The following HSDL2 variants were observed in gnomAD, a reference collection of about 807,000 sequenced individuals.
HSDL2 encodes hydroxysteroid dehydrogenase like 2, also known as hydroxysteroid dehydrogenase-like protein 2.
Under a neutral mutation model 46.3 loss-of-function variants are expected in HSDL2, and 27 were observed. The ratio of observed to expected loss-of-function variants is 0.58; its 90% CI spans 0.43 to 0.80. The LOEUF (loss-of-function observed/expected upper bound fraction) is 0.80, where lower values mean the gene tolerates loss of function less well. Among genes scored for constraint, HSDL2 ranks in the 30% least tolerant of loss-of-function variants. The pLI is 0.00. For synonymous variants in HSDL2, 153 were observed against 163.6 expected, an observed-to-expected ratio of 0.94 and a Z score of 0.50; for missense variants, 451 against 502.7, an observed-to-expected ratio of 0.90 and a Z score of 0.98.
intron 8 of HSDL2, 77 bp downstream of exon 8, chr9:112,441,847 C>T (rs1238939424): frequency 4.4e-6 from 4 of 903,464 alleles, no homozygotes; most frequent in African/African-American, 1.7e-5. Context: ...TGGAATTGAT[C>T]CTATAACAGT....
intron 6 of HSDL2, among the ~76,000 whole-genome samples, chr9:112,432,762 T>G (rs1408922525): frequency 6.6e-6 from 1 of 152,144 alleles, no homozygotes; most frequent in Admixed American, 6.5e-5. Context: ...AATTATGTAC[T>G]GGATGTTGTG....
At position 112,393,983 on chromosome 9, in the gene HSDL2, T is replaced by A. The variant is rs114904176; in HGVS notation, c.18-10012T>A. Among the ~76,000 whole-genome samples, 1,081 of 152,320 alleles carry A rather than the reference T, an allele frequency of 7.1e-3. 12 individuals carry two copies. Among genetic ancestry groups the A allele is most frequent in the African/African-American group, 0.025 (1,029 of 41,568 alleles). On this transcript the variant is annotated intron_variant, in intron 1 of 10. Coordinates refer to ENST00000398805, the MANE Select transcript of HSDL2 (RefSeq NM_032303.5). ...CTGAGGGAGAGGAGCAGCGTGGCAA[T>A]GCCTGATGTTCTCCACCATAAAGAA...
chr9:112,402,457 C>T (rs930763104), intron 1 of HSDL2, among the ~76,000 whole-genome samples: 1 of 151,150 alleles, frequency 6.6e-6, no homozygotes, highest in South Asian at 2.1e-4. Context: ...ACTTGTGAGG[C>T]TGAGATGGGA....
chr9:112,423,350 CT>C (rs924864984), intron 6 of HSDL2, among the ~76,000 whole-genome samples: 1 of 151,946 alleles, frequency 6.6e-6, no homozygotes, highest in Non-Finnish European at 1.5e-5. Context: ...CTTTTCTTTT[CT>C]TTTTTTTGAG....
Position 112,428,795 on chromosome 9 carries a change from T to C in HSDL2, c.599-9636T>C, listed in dbSNP as rs146271859. Among the ~76,000 whole-genome samples, 628 of 152,324 alleles carry C rather than the reference T, an allele frequency of 4.1e-3. 4 individuals are homozygous for C. Among genetic ancestry groups the C allele is most frequent in the Middle Eastern group, 0.014 (4 of 294 alleles). On this transcript the variant is annotated intron_variant, in intron 6 of 10. Coordinates refer to ENST00000398805, the MANE Select transcript of HSDL2 (RefSeq NM_032303.5). ...ACCCTTCCTCACATCACTGTTGTCA[T>C]TAAAGTTGATACAGAGAGTTAGGAA...
In HSDL2 at chr9:112,423,350, C is replaced by G. The variant is rs1294596234; in HGVS notation, c.598+4392C>G. Reference sequence around the variant, plus strand: ...GGAAGTCATTGAATTCTTTTCTTTTCTTTTTTTTGAGACGGAGTTTCGTTC... The same window carrying G: ...GGAAGTCATTGAATTCTTTTCTTTTGTTTTTTTTGAGACGGAGTTTCGTTC... On this transcript the variant is annotated intron_variant, in intron 6 of 10. Coordinates refer to ENST00000398805, the MANE Select transcript of HSDL2 (RefSeq NM_032303.5). Among the ~76,000 whole-genome samples the G allele has an allele frequency of 2.6e-5, 4 of 151,946 alleles. No individual in the cohort carries two copies. In the East Asian group the frequency reaches 5.8e-4, roughly 22 times the overall value.
chr9:112,436,242 CA>C (rs527930574), intron 6 of HSDL2, among the ~76,000 whole-genome samples: 5,155 of 77,636 alleles, frequency 0.066, 218 homozygotes, highest in African/African-American at 0.19. Flanking sequence ...GACCCTATCT[CA>C]AAAAAAAAAA....
chr9:112,410,455 C>T (rs1051376791), intron 4 of HSDL2, among the ~76,000 whole-genome samples: 5 of 152,116 alleles, frequency 3.3e-5, no homozygotes, highest in African/African-American at 1.2e-4. Flanking sequence ...AGTTTCTTTA[C>T]TTTTAAAATG....
At chr9:112,463,587 A>G (rs772937158) in intron 10 of HSDL2, among the ~76,000 whole-genome samples, 38 of 152,334 alleles carry the variant, frequency 2.5e-4, no homozygotes, top group Middle Eastern at 3.4e-3. Flanking sequence ...CATAGGTAGT[A>G]CACCCAGAGT....
Position 112,441,773 on chromosome 9 carries a change from A to G in HSDL2, c.865+3A>G, listed in dbSNP as rs1340745748. ...TAGCAAGAAAGTGGAATCAACTGGT[A>G]AGATCTAGACTATATTTTATGTTAG... On this transcript the variant is annotated splice_donor_region_variant and intron_variant, in intron 8 of 10. Coordinates refer to ENST00000398805, the MANE Select transcript of HSDL2 (RefSeq NM_032303.5). The G allele has an allele frequency of 6.5e-7, 1 of 1,538,938 alleles. No individual in the cohort carries two copies.
intron 5 of HSDL2, among the ~76,000 whole-genome samples, chr9:112,418,390 C>T (rs1243533981): frequency 1.3e-5 from 2 of 151,562 alleles, no homozygotes; most frequent in African/African-American, 4.9e-5. Context: ...CAAGACCAGG[C>T]TGGGCAACGT....
At chr9:112,399,327 T>G (rs1214585090) in intron 1 of HSDL2, among the ~76,000 whole-genome samples, 1 of 152,162 alleles carries the variant, frequency 6.6e-6, no homozygotes, top group African/African-American at 2.4e-5. Context: ...AAAGATCACA[T>G]GCTTCAAAGG....
chr9:112,458,131 C>A (rs1833087916), intron 9 of HSDL2, among the ~76,000 whole-genome samples: 1 of 151,814 alleles, frequency 6.6e-6, no homozygotes, highest in South Asian at 2.1e-4. Context: ...CTCACACGTG[C>A]TGCACTCTTG....
chr9:112,470,560 A>T lies in HSDL2; in HGVS notation c.*16A>T. On this transcript the variant is annotated 3_prime_UTR_variant, in exon 11 of 11. Coordinates refer to ENST00000398805, the MANE Select transcript of HSDL2 (RefSeq NM_032303.5). Reference sequence around the variant, plus strand: ...CAGACTGTGAAGGAAAATATAAAAAAAAAGTCGACTGCTATGCTCAAAAAG... The same window carrying T: ...CAGACTGTGAAGGAAAATATAAAAATAAAGTCGACTGCTATGCTCAAAAAG... The T allele has an allele frequency of 7.0e-7, 1 of 1,424,532 alleles. No individual in the cohort carries two copies. The highest frequency in any genetic ancestry group is 9.8e-7 in the Non-Finnish European group (1 of 1,025,548). 88.2% of individuals were successfully genotyped at this position (1,424,532 alleles called of 1,614,324 possible). A position where few individuals can be genotyped will look rare whatever the true frequency, so the allele number is the denominator to read the frequency against.
intron 4 of HSDL2, among the ~76,000 whole-genome samples, chr9:112,414,281 G>C (rs1345253516): frequency 6.6e-6 from 1 of 152,136 alleles, no homozygotes; most frequent in East Asian, 1.9e-4. Context: ...CTTTGAAGAG[G>C]AACCTCTAGT....
chr9:112,389,209 G>C (rs551448378), intron 1 of HSDL2, among the ~76,000 whole-genome samples: 2 of 152,142 alleles, frequency 1.3e-5, no homozygotes, highest in South Asian at 4.2e-4. Flanking sequence ...TAATTTTGTA[G>C]AGACAGGGTC....
In HSDL2 at chr9:112,470,755, A is replaced by T; in HGVS notation, c.*211A>T. The T allele has an allele frequency of 2.6e-6, 1 of 378,028 alleles. No individual in the cohort carries two copies. Among genetic ancestry groups the T allele is most frequent in the Non-Finnish European group, 4.7e-6 (1 of 210,742 alleles). 23.4% of individuals were successfully genotyped at this position (378,028 alleles called of 1,614,324 possible). On this transcript the variant is annotated 3_prime_UTR_variant, in exon 11 of 11. Transcript: ENST00000398805. ...GCTTCATTAAGTGGGATTCTAAGAC[A>T]GTCTGTGTTTTTATATTTCAAGGGT...
At chr9:112,410,742 C>T (rs1831844382) in intron 4 of HSDL2, among the ~76,000 whole-genome samples, 1 of 152,164 alleles carries the variant, frequency 6.6e-6, no homozygotes, top group African/African-American at 2.4e-5. Flanking sequence ...GCCTAGACAA[C>T]ATGGCAAAAC....
intron 8 of HSDL2, among the ~76,000 whole-genome samples, chr9:112,451,623 A>G (rs1164420647): frequency 3.3e-5 from 5 of 152,160 alleles, no homozygotes; most frequent in Non-Finnish European, 5.9e-5. Flanking sequence ...GTATGTATGC[A>G]TGTATATGCA....
Sources: gnomAD v4.1 joint callset for allele counts (sites outside exome capture counted in the v4.1 genomes callset) on GRCh38, gnomAD v4.1.1 for gene constraint, MANE v1.5 for transcripts, NCBI Gene and HGNC (gene_info 2026-07-23, HGNC 2026-07-21) for gene names.